MDGA2: variants seen among roughly 807,000 people sequenced by gnomAD.
MDGA2 encodes MAM domain-containing glycosylphosphatidylinositol anchor protein 2.
In MDGA2, 40 loss-of-function variants were observed where a neutral mutation model predicts 117.8. The observed-to-expected ratio is 0.34, with a 90% CI of 0.26 to 0.44. The LOEUF (loss-of-function observed/expected upper bound fraction) is 0.44. MDGA2 is among the 20% of genes least tolerant of loss of function. MDGA2 has a pLI of 1.00. For missense variants in MDGA2, 1,123 were observed against 1,250.6 expected, an observed-to-expected ratio of 0.90 and a Z score of 1.54; for synonymous variants, 452 against 439.0, an observed-to-expected ratio of 1.03 and a Z score of -0.37.
intron 1 of MDGA2, among the ~76,000 whole-genome samples, chr14:47,649,150 A>AT (rs1217150987): frequency 6.6e-6 from 1 of 152,116 alleles, no homozygotes; most frequent in Non-Finnish European, 1.5e-5. Context: ...GTAACTTTAC[A>AT]TTTTTGCCAA....
chr14:46,956,082 C>T (rs1335003110), intron 9 of MDGA2, among the ~76,000 whole-genome samples: 1 of 152,030 alleles, frequency 6.6e-6, no homozygotes, highest in African/African-American at 2.4e-5. Flanking sequence ...TTTCAGAAAG[C>T]AAAAATGGCG....
chr14:47,036,453 C>A (rs1273282546), intron 7 of MDGA2, among the ~76,000 whole-genome samples: 1 of 152,042 alleles, frequency 6.6e-6, no homozygotes, highest in African/African-American at 2.4e-5. Flanking sequence ...TACTATACAA[C>A]GATCTTTCTT....
chr14:47,511,281 C>T (rs547316473), intron 1 of MDGA2, among the ~76,000 whole-genome samples: 19 of 152,070 alleles, frequency 1.2e-4, no homozygotes, highest in Non-Finnish European at 2.2e-4. Flanking sequence ...TTTTGAAAGA[C>T]TGTGTCATAA....
intron 8 of MDGA2, among the ~76,000 whole-genome samples, chr14:46,963,094 T>C (rs530553532): frequency 1.3e-5 from 2 of 152,298 alleles, no homozygotes; most frequent in South Asian, 2.1e-4. Flanking sequence ...CTGTGTATTA[T>C]ATATAATTTG....
At chr14:47,404,114 T>G (rs1364572987) in intron 1 of MDGA2, among the ~76,000 whole-genome samples, 1 of 152,204 alleles carries the variant, frequency 6.6e-6, no homozygotes, top group Non-Finnish European at 1.5e-5. Context: ...CTGTTAAATC[T>G]TTATTTTGTT....
At chr14:47,372,934 C>A (rs931710867) in intron 1 of MDGA2, among the ~76,000 whole-genome samples, 5 of 151,838 alleles carry the variant, frequency 3.3e-5, no homozygotes, top group African/African-American at 1.2e-4. Context: ...TAGAGGAAAA[C>A]TCATGGTATG....
intron 2 of MDGA2, among the ~76,000 whole-genome samples, chr14:47,274,655 G>C (rs1370255655): frequency 6.6e-6 from 1 of 152,098 alleles, no homozygotes; most frequent in Non-Finnish European, 1.5e-5. Flanking sequence ...TTCTCAAATA[G>C]TTCTTCAAGG....
chr14:47,545,197 G>A (rs1327670274), intron 1 of MDGA2, among the ~76,000 whole-genome samples: 1 of 152,048 alleles, frequency 6.6e-6, no homozygotes, highest in Non-Finnish European at 1.5e-5. Flanking sequence ...TAATACTTGT[G>A]CAAAAAAAGA....
At position 47,031,246 on chromosome 14, in the gene MDGA2, T is replaced by A. The variant is rs565244315; in HGVS notation, c.1819+3765A>T. On this transcript the variant is annotated intron_variant, in intron 8 of 16. Transcript: ENST00000399232. ...TATATATATACACACACACACACACTATTTCCTTTTAGGGATGGACGCCCT... is the reference window on the plus strand; with the variant it reads ...TATATATATACACACACACACACACAATTTCCTTTTAGGGATGGACGCCCT... Among the ~76,000 whole-genome samples the A allele has an allele frequency of 2.4e-3, 367 of 151,434 alleles. 3 individuals are homozygous for A. Among genetic ancestry groups the A allele is most frequent in the African/African-American group, 8.7e-3 (360 of 41,404 alleles).
chr14:47,622,589 A>C (rs1033857378), intron 1 of MDGA2, among the ~76,000 whole-genome samples: 9 of 151,528 alleles, frequency 5.9e-5, no homozygotes, highest in African/African-American at 2.2e-4. Flanking sequence ...AAATAACACC[A>C]TCTGTTGTCA....
At chr14:47,515,263 G>C (rs776032932) in intron 1 of MDGA2, among the ~76,000 whole-genome samples, 6 of 152,158 alleles carry the variant, frequency 3.9e-5, no homozygotes, top group Non-Finnish European at 8.8e-5. Flanking sequence ...GAATATTTAA[G>C]ATGCTTCCCC....
intron 7 of MDGA2, among the ~76,000 whole-genome samples, chr14:47,052,264 C>T (rs1889486387): frequency 6.6e-6 from 1 of 151,748 alleles, no homozygotes; most frequent in South Asian, 2.1e-4. Flanking sequence ...TGGGTATACT[C>T]TCTCATTTCT....
chr14:47,504,824 T>G (rs1490418497), intron 1 of MDGA2, among the ~76,000 whole-genome samples: 1 of 152,142 alleles, frequency 6.6e-6, no homozygotes, highest in Non-Finnish European at 1.5e-5. Flanking sequence ...TATCATATGA[T>G]CCAGCAATCT....
At chr14:46,889,158 T>G (rs1882780104) in intron 10 of MDGA2, among the ~76,000 whole-genome samples, 1 of 151,944 alleles carries the variant, frequency 6.6e-6, no homozygotes, top group South Asian at 2.1e-4. Flanking sequence ...GTTAAATGAG[T>G]CTTATTTTTA....
chr14:47,289,304 T>TAC (rs3039467), intron 2 of MDGA2, among the ~76,000 whole-genome samples: 22,165 of 140,368 alleles, frequency 0.16, 1,949 homozygotes, highest in South Asian at 0.25. Context: ...TTTCTGGACT[T>TAC]ACACACACAC....
chr14:47,108,172 C>G (rs997292823), intron 5 of MDGA2, among the ~76,000 whole-genome samples: 18 of 152,166 alleles, frequency 1.2e-4, no homozygotes, highest in Non-Finnish European at 2.4e-4. Flanking sequence ...ACCACATTCC[C>G]TTCTCAGAAT....
intron 10 of MDGA2, among the ~76,000 whole-genome samples, chr14:46,904,202 A>G (rs2138457038): frequency 6.6e-6 from 1 of 152,052 alleles, no homozygotes; most frequent in African/African-American, 2.4e-5. Context: ...CATCTCTACT[A>G]AAAATATTAA....
chr14:47,172,232 A>T (rs1348503725), intron 3 of MDGA2, among the ~76,000 whole-genome samples: 2 of 152,136 alleles, frequency 1.3e-5, no homozygotes, highest in African/African-American at 4.8e-5. Context: ...ACAGACAAAT[A>T]AAAAGACAGC....
intron 2 of MDGA2, among the ~76,000 whole-genome samples, chr14:47,272,334 G>A (rs12893437): frequency 6.6e-6 from 1 of 152,088 alleles, no homozygotes; most frequent in Non-Finnish European, 1.5e-5. Context: ...TCTTACTGAA[G>A]GTTTCATTGT....
Sources: gnomAD v4.1 joint callset for allele counts (sites outside exome capture counted in the v4.1 genomes callset) on GRCh38, gnomAD v4.1.1 for gene constraint, MANE v1.5 for transcripts, NCBI Gene and HGNC (gene_info 2026-07-23, HGNC 2026-07-21) for gene names.